The following SHISA9 variants were observed in gnomAD, a reference collection of about 807,000 sequenced individuals.
The protein encoded by SHISA9 is protein shisa-9.
A neutral mutation model predicts 38.0 loss-of-function variants in SHISA9; 13 were observed. The observed-to-expected ratio is 0.34, with a 90% CI of 0.22 to 0.54. The LOEUF (loss-of-function observed/expected upper bound fraction) is 0.54. Ranked by LOEUF, SHISA9 falls within the 20% of genes least tolerant of loss-of-function variation. SHISA9 has a pLI of 0.91. For synonymous variants in SHISA9, 275 were observed against 242.0 expected (o/e 1.14, Z -1.27); for missense variants, 538 against 575.8 (o/e 0.93, Z 0.67).
chr16:12,911,450 C>A, intron 1 of SHISA9: 1 of 897,882 alleles, frequency 1.1e-6, no homozygotes, highest in Non-Finnish European at 1.3e-6. Flanking sequence ...TGCATGAACC[C>A]ACGAACAATG....
At chr16:13,269,872 A>C in the SHISA9 span, among the ~76,000 whole-genome samples, 1 of 152,114 alleles carries the variant, frequency 6.6e-6, no homozygotes, top group Non-Finnish European at 1.5e-5. Context: ...CAAGGTCTGG[A>C]GCAGAATCCA....
chr16:13,497,353 A>C, the SHISA9 span, among the ~76,000 whole-genome samples: 1 of 152,176 alleles, frequency 6.6e-6, no homozygotes, highest in Non-Finnish European at 1.5e-5. Context: ...AATCTGTCTA[A>C]AAGCAACCCA....
chr16:13,131,973 T>A (rs2050310399), intron 2 of SHISA9, among the ~76,000 whole-genome samples: 1 of 152,228 alleles, frequency 6.6e-6, no homozygotes, highest in African/African-American at 2.4e-5. Context: ...TGTTTAGTCT[T>A]CAGTCCTGAC....
Position 13,238,861 on chromosome 16 carries a change from T to A in SHISA9, c.*3452T>A, listed in dbSNP as rs2051410837. The A allele has an allele frequency of 6.8e-6, 1 of 148,040 alleles. No individual in the cohort carries two copies. The highest frequency in any genetic ancestry group is 1.5e-5 in the Non-Finnish European group (1 of 67,228). 9.2% of individuals were successfully genotyped at this position (148,040 alleles called of 1,614,324 possible). A position where few individuals can be genotyped will look rare whatever the true frequency, so the allele number is the denominator to read the frequency against. The stretch of plus-strand genomic sequence containing the variant: ...ATTATTATTATTATTATACTTTAAG[T>A]TTTAGGGTACATGTGCACAATGTGC... On this transcript the variant is annotated 3_prime_UTR_variant, in exon 5 of 5. Coordinates refer to ENST00000558583, the MANE Select transcript of SHISA9 (RefSeq NM_001145204.3).
chr16:13,470,409 G>T, the SHISA9 span, among the ~76,000 whole-genome samples: 1 of 152,176 alleles, frequency 6.6e-6, no homozygotes, highest in Non-Finnish European at 1.5e-5. Context: ...GTTTATGAAG[G>T]AAAGAGGTTT....
intron 2 of SHISA9, among the ~76,000 whole-genome samples, chr16:13,187,677 T>C (rs561316769): frequency 5.3e-5 from 8 of 152,250 alleles, no homozygotes; most frequent in African/African-American, 1.9e-4. Context: ...GTAAGACTGA[T>C]GATAGTGACC....
chr16:13,413,954 C>T, the SHISA9 span, among the ~76,000 whole-genome samples: 3 of 152,038 alleles, frequency 2.0e-5, no homozygotes, highest in African/African-American at 4.8e-5. Flanking sequence ...ATCCTGCAAC[C>T]GTAGCAATGG....
chr16:13,522,847 G>A, the SHISA9 span, among the ~76,000 whole-genome samples: 3 of 152,006 alleles, frequency 2.0e-5, no homozygotes, highest in Admixed American at 2.0e-4. Flanking sequence ...CACCTTCCAG[G>A]GTCAGAATGA....
chr16:12,904,236 C>T (rs559805879), intron 1 of SHISA9, among the ~76,000 whole-genome samples: 1 of 152,238 alleles, frequency 6.6e-6, no homozygotes, highest in East Asian at 1.9e-4. Flanking sequence ...CAGCGGGTGT[C>T]GCCTTGGTAG....
the SHISA9 span, among the ~76,000 whole-genome samples, chr16:13,289,213 C>G: frequency 1.3e-5 from 2 of 152,138 alleles, no homozygotes; most frequent in Admixed American, 6.6e-5. Context: ...ATTGTGTTGT[C>G]CTGTCTCTTG....
At chr16:12,907,619 CT>C (rs1252661915) in intron 1 of SHISA9, among the ~76,000 whole-genome samples, 3 of 152,148 alleles carry the variant, frequency 2.0e-5, no homozygotes, top group African/African-American at 7.2e-5. Flanking sequence ...AAAAACAGGT[CT>C]TTCAGAGCTT....
At position 13,016,795 on chromosome 16, in the gene SHISA9, G is replaced by A. The variant is rs555235229; in HGVS notation, c.691+99980G>A. ...AAAGAATGAGATCAAGACCATCTTG[G>A]AAAATCAGGGACATGTTGTTGTGGT... On this transcript the variant is annotated intron_variant, in intron 2 of 4. Coordinates refer to ENST00000558583, the MANE Select transcript of SHISA9 (RefSeq NM_001145204.3). Among the ~76,000 whole-genome samples, 41 of 152,252 alleles carry A rather than the reference G, an allele frequency of 2.7e-4. No individual in the cohort carries two copies. The South Asian group carries it at 8.1e-3, about 30-fold the overall frequency.
chr16:12,913,256 G>A (rs1273504890), intron 1 of SHISA9, among the ~76,000 whole-genome samples: 2 of 152,172 alleles, frequency 1.3e-5, no homozygotes, highest in African/African-American at 4.8e-5. Flanking sequence ...GAGTGCAGCA[G>A]TGTGATCTCA....
chr16:13,054,014 C>T (rs1254648632), intron 2 of SHISA9, among the ~76,000 whole-genome samples: 2 of 152,216 alleles, frequency 1.3e-5, no homozygotes, highest in Non-Finnish European at 2.9e-5. Flanking sequence ...CATCTCTTCT[C>T]TCTCTTTCAT....
chr16:13,313,147 T>C, the SHISA9 span, among the ~76,000 whole-genome samples: 1 of 146,522 alleles, frequency 6.8e-6, no homozygotes, highest in Non-Finnish European at 1.5e-5. Flanking sequence ...CCCAGCTACT[T>C]GGGAGGCTGA....
At chr16:12,923,950 C>G (rs2071362454) in intron 2 of SHISA9, among the ~76,000 whole-genome samples, 1 of 152,150 alleles carries the variant, frequency 6.6e-6, no homozygotes, top group African/African-American at 2.4e-5. Flanking sequence ...TGCTTTGTCT[C>G]ACAGTGAATA....
chr16:13,173,177 A>T (rs2050702647), intron 2 of SHISA9, among the ~76,000 whole-genome samples: 1 of 149,792 alleles, frequency 6.7e-6, no homozygotes, highest in African/African-American at 2.4e-5. Flanking sequence ...ACACACACAC[A>T]CATTCATTCT....
chr16:13,206,049 G>T (rs1439728873), intron 3 of SHISA9, among the ~76,000 whole-genome samples: 1 of 151,854 alleles, frequency 6.6e-6, no homozygotes, highest in Admixed American at 6.6e-5. Flanking sequence ...ACAGGTGTGA[G>T]CTACTGCACT....
At chr16:13,451,504 G>A in the SHISA9 span, among the ~76,000 whole-genome samples, 1 of 152,210 alleles carries the variant, frequency 6.6e-6, no homozygotes, top group African/African-American at 2.4e-5. Context: ...CTGTGATAGA[G>A]AATAAGGTGG....
Sources: allele counts gnomAD v4.1 joint callset (sites outside exome capture counted in the v4.1 genomes callset), GRCh38; gene constraint gnomAD v4.1.1; transcripts MANE v1.5; gene names NCBI Gene and HGNC (gene_info 2026-07-23, HGNC 2026-07-21).